TMEM67: variants seen among roughly 807,000 people sequenced by gnomAD.
TMEM67 encodes meckelin.
A neutral mutation model predicts 136.6 loss-of-function variants in TMEM67; 124 were observed. That is an observed-to-expected ratio of 0.91 (90% CI 0.78 to 1.05). The LOEUF (loss-of-function observed/expected upper bound fraction) is 1.05. Ranked by LOEUF, TMEM67 falls within the 50% of genes least tolerant of loss-of-function variation. TMEM67 has a pLI of 0.00. For missense variants in TMEM67, 1,107 were observed against 1,178.4 expected, an observed-to-expected ratio of 0.94 and a Z score of 0.89; for synonymous variants, 364 against 390.5, an observed-to-expected ratio of 0.93 and a Z score of 0.80.
At chr8:93,815,541 A>ACT (rs1330282251) in intron 27 of TMEM67, 94 bp downstream of exon 27, 2 of 1,154,350 alleles carry the variant, frequency 1.7e-6, no homozygotes, top group African/African-American at 3.1e-5. Context: ...AACAATGTCT[A>ACT]CTTTTACTAC....
In TMEM67 at chr8:93,817,064, G is replaced by A. The variant is rs1419545880; in HGVS notation, c.*612G>A. 1 of 152,058 alleles carries A rather than the reference G, an allele frequency of 6.6e-6. No individual in the cohort carries two copies. Among genetic ancestry groups the A allele is most frequent in the Non-Finnish European group, 1.5e-5 (1 of 68,040 alleles). The allele number at this position is 152,058 out of a possible 1,614,324, so 9.4% of individuals were successfully genotyped here. A position where few individuals can be genotyped will look rare whatever the true frequency, so the allele number is the denominator to read the frequency against. On this transcript the variant is annotated 3_prime_UTR_variant, in exon 28 of 28. Coordinates refer to ENST00000453321, the MANE Select transcript of TMEM67 (RefSeq NM_153704.6). ...TTCATTCCTTTGTATACCTGTATTAGGTCAGTATACGCTTTCCATGAAATA... is the reference window on the plus strand; with the variant it reads ...TTCATTCCTTTGTATACCTGTATTAAGTCAGTATACGCTTTCCATGAAATA...
At chr8:93,813,497 T>G (rs1808782486) in intron 26 of TMEM67, among the ~76,000 whole-genome samples, 1 of 152,168 alleles carries the variant, frequency 6.6e-6, no homozygotes, top group Admixed American at 6.5e-5. Flanking sequence ...TTCGTCTTCA[T>G]CAAGAGATGA....
At chr8:93,772,311 T>C (rs1201850736) in intron 6 of TMEM67, among the ~76,000 whole-genome samples, 1 of 152,222 alleles carries the variant, frequency 6.6e-6, no homozygotes. Flanking sequence ...ATTTTTTCTT[T>C]TGTTTGCCAC....
intron 7 of TMEM67, among the ~76,000 whole-genome samples, chr8:93,776,414 A>G (rs900877761): frequency 6.6e-6 from 1 of 152,218 alleles, no homozygotes; most frequent in African/African-American, 2.4e-5. Context: ...GAGAGAGGGC[A>G]TCCCTGTCTT....
Position 93,811,906 on chromosome 8 carries a change from T to G in TMEM67, c.2764+2019T>G, listed in dbSNP as rs563014521. On this transcript the variant is annotated intron_variant, in intron 26 of 27. Transcript: ENST00000453321. The stretch of plus-strand genomic sequence containing the variant: ...GGCTCATGCCTGTAATCCTAGCACT[T>G]TGGGAGGCCGAGGCAGGTGGATCAC... Among the ~76,000 whole-genome samples, 71 of 151,724 alleles carry G rather than the reference T, an allele frequency of 4.7e-4. 1 individual carries two copies. The East Asian group carries it at 0.012, about 26-fold the overall frequency.
In TMEM67 at chr8:93,808,961, G is replaced by A; in HGVS notation, c.2556+5G>A. On this transcript the variant is annotated splice_donor_5th_base_variant and intron_variant, in intron 24 of 27. Coordinates refer to ENST00000453321, the MANE Select transcript of TMEM67 (RefSeq NM_153704.6). ...ATTCATGAGACACTAATAAGGGTTT[G>A]TATAAAGTACAGTTCAGATATATTC... 1.3e-6 allele frequency: 2 copies of A among 1,565,158 alleles called. No homozygotes were observed. The highest frequency in any genetic ancestry group is 1.8e-6 in the Non-Finnish European group (2 of 1,135,756).
At position 93,763,884 on chromosome 8, in the gene TMEM67, G is replaced by C. The variant is rs1164078145; in HGVS notation, c.449G>C (p.Cys150Ser). The change falls in exon 4 of 28, where the codon TGT becomes TCT. Residue 150 changes from cysteine to serine, a missense_variant. Transcript: ENST00000453321. ...INGTLLSQAT[C>S]ELCDGNENSF... ...GGAACATTGTTGTCTCAAGCAACTT[G>C]TGAGCTCTGTGATGGAAATGAAAAC... The C allele has an allele frequency of 6.2e-7, 1 of 1,613,926 alleles. No homozygotes were observed. Among genetic ancestry groups the C allele is most frequent in the Non-Finnish European group, 8.5e-7 (1 of 1,179,890 alleles).
At chr8:93,796,017 T>G in intron 18 of TMEM67, 30 bp downstream of exon 18, 1 of 1,401,760 alleles carries the variant, frequency 7.1e-7, no homozygotes. Flanking sequence ...TTACCAAATT[T>G]AAAAGGCCTG....
Position 93,795,506 on chromosome 8 carries a change from A to AAGTG in TMEM67, c.1773+7_1773+10dup. 6.2e-7 allele frequency: 1 copy of AAGTG among 1,612,202 alleles called. No homozygotes were observed. ...GGTCTTTACTGGCTTATTTTCTTCA[A>AAGTG]AGTGAGTGAGTTTCTGAATTTTCCC... On this transcript the variant is annotated frameshift_variant and splice_region_variant, in exon 17 of 28. Transcript: ENST00000453321. LOFTEE classifies it high-confidence loss of function.
At chr8:93,788,007 A>G in intron 14 of TMEM67, 58 bp downstream of exon 14, 4 of 1,321,170 alleles carry the variant, frequency 3.0e-6, no homozygotes, top group Non-Finnish European at 4.4e-6. Context: ...ATACTGATTC[A>G]GTTTACATTT....
chr8:93,826,449 G>C, the TMEM67 span, among the ~76,000 whole-genome samples: 1 of 152,080 alleles, frequency 6.6e-6, no homozygotes, highest in Non-Finnish European at 1.5e-5. Flanking sequence ...GGTTAGGAAA[G>C]AATCTGAAAT....
intron 4 of TMEM67, 21 bp downstream of exon 4, chr8:93,763,962 T>C (rs762493495): frequency 1.5e-6 from 2 of 1,364,748 alleles, no homozygotes; most frequent in South Asian, 1.2e-5. Flanking sequence ...TGATGGGGGC[T>C]AACTTCATTA....
intron 21 of TMEM67, among the ~76,000 whole-genome samples, chr8:93,802,046 A>G (rs567122948): frequency 3.9e-5 from 6 of 152,348 alleles, no homozygotes; most frequent in African/African-American, 1.4e-4. Context: ...TTGGTTGAAT[A>G]TAACACAACC....
At chr8:93,779,569 C>T (rs1009295407) in intron 7 of TMEM67, among the ~76,000 whole-genome samples, 2 of 152,094 alleles carry the variant, frequency 1.3e-5, no homozygotes, top group African/African-American at 2.4e-5. Flanking sequence ...ATGTGGATGT[C>T]CTTTTTGTTG....
At chr8:93,777,194 G>T (rs964285194) in intron 7 of TMEM67, among the ~76,000 whole-genome samples, 6 of 152,188 alleles carry the variant, frequency 3.9e-5, no homozygotes, top group African/African-American at 1.4e-4. Context: ...GATCGGTGGT[G>T]ATATCGCCTT....
chr8:93,769,311 G>A (rs1193645555), intron 6 of TMEM67, among the ~76,000 whole-genome samples: 1 of 152,260 alleles, frequency 6.6e-6, no homozygotes, highest in African/African-American at 2.4e-5. Flanking sequence ...TGAGGCAGAG[G>A]GTGGAGGAAG....
intron 2 of TMEM67, chr8:93,756,846 C>A: frequency 6.6e-6 from 1 of 152,186 alleles, no homozygotes; most frequent in Non-Finnish European, 1.5e-5. Context: ...GAGGCTGAGC[C>A]TGGTGGATCA....
chr8:93,809,313 T>C (rs1808598610), intron 25 of TMEM67, 152 bp downstream of exon 25: 1 of 643,396 alleles, frequency 1.6e-6, no homozygotes, highest in Admixed American at 2.6e-5. Flanking sequence ...TCACATTCAA[T>C]ACTTAGGAAT....
At chr8:93,781,795 A>C (rs748184122) in intron 10 of TMEM67, 51 bp downstream of exon 10, 1 of 1,103,878 alleles carries the variant, frequency 9.1e-7, no homozygotes, top group East Asian at 2.4e-5. Context: ...TTTTTGCCTG[A>C]GACAAAGCCA....
Sources: allele counts gnomAD v4.1 joint callset (sites outside exome capture counted in the v4.1 genomes callset), GRCh38; gene constraint gnomAD v4.1.1; transcripts MANE v1.5; gene names NCBI Gene and HGNC (gene_info 2026-07-23, HGNC 2026-07-21).